The following NTN1 variants were observed in gnomAD, a reference collection of about 807,000 sequenced individuals.
NTN1 encodes the protein netrin 1.
NTN1 carries 11 observed loss-of-function variants against 54.2 expected under a neutral mutation model. The observed-to-expected ratio is 0.20, with a 90% CI of 0.13 to 0.34. The LOEUF is 0.34. Ranked by LOEUF, NTN1 falls within the 10% of genes least tolerant of loss-of-function variation. The pLI is 1.00. For missense variants in NTN1, 740 were observed against 893.1 expected (o/e 0.83, Z 2.18); for synonymous variants, 371 against 382.0 (o/e 0.97, Z 0.33).
At chr17:9,216,567 T>C (rs1211621202) in intron 5 of NTN1, among the ~76,000 whole-genome samples, 1 of 152,224 alleles carries the variant, frequency 6.6e-6, no homozygotes, top group African/African-American at 2.4e-5. Context: ...ATCCATGTAC[T>C]GGTGCAATGG....
chr17:9,070,159 G>A (rs1234297573), intron 2 of NTN1, among the ~76,000 whole-genome samples: 1 of 152,172 alleles, frequency 6.6e-6, no homozygotes, highest in Non-Finnish European at 1.5e-5. Flanking sequence ...TTGGGCAAAT[G>A]TCTTAGGTGC....
intron 5 of NTN1, among the ~76,000 whole-genome samples, chr17:9,193,902 CAA>C (rs1904537796): frequency 1.4e-5 from 1 of 69,958 alleles, no homozygotes; most frequent in Non-Finnish European, 2.7e-5. Context: ...GCCTGGGCGA[CAA>C]GAGTGAAACT....
chr17:9,013,149 G>T, the NTN1 span, among the ~76,000 whole-genome samples: 1 of 151,618 alleles, frequency 6.6e-6, no homozygotes, highest in Non-Finnish European at 1.5e-5. Flanking sequence ...GCCCAGGGAA[G>T]AATCTTCCTA....
Position 9,221,160 on chromosome 17 carries a change from C to T in NTN1, c.1412-8C>T, listed in dbSNP as rs749445333. On this transcript the variant is annotated splice_polypyrimidine_tract_variant and splice_region_variant and intron_variant, in intron 5 of 6. Coordinates refer to ENST00000173229, the MANE Select transcript of NTN1 (RefSeq NM_004822.3). The surrounding 1 kb of genome is among the most constrained non-coding windows in gnomAD (Gnocchi z 4.5). ...TTTTGTCTGTGCTCCCCCCCCACCC[C>T]CCTGCAGACTGCGATTCCTACTGCA... is the stretch of plus-strand genomic sequence containing the variant. 6 of 1,586,722 alleles carry T rather than the reference C, an allele frequency of 3.8e-6. No individual in the cohort carries two copies. In the East Asian group the frequency reaches 8.9e-5, roughly 24 times the overall value.
chr17:9,108,735 G>C (rs1946333095), intron 2 of NTN1, among the ~76,000 whole-genome samples: 1 of 152,108 alleles, frequency 6.6e-6, no homozygotes, highest in African/African-American at 2.4e-5. Context: ...GTGTCCCAAG[G>C]CTGGCTGGTG....
At chr17:9,051,703 G>A (rs2142199402) in intron 2 of NTN1, among the ~76,000 whole-genome samples, 1 of 152,022 alleles carries the variant, frequency 6.6e-6, no homozygotes, top group Admixed American at 6.6e-5. Flanking sequence ...GAACATTTAA[G>A]GTCTACTCCC....
chr17:9,227,308 A>G (rs932365066), intron 6 of NTN1, among the ~76,000 whole-genome samples: 1 of 145,650 alleles, frequency 6.9e-6, no homozygotes, highest in Non-Finnish European at 1.5e-5. Flanking sequence ...CACAATCACA[A>G]ACACACCACA....
At chr17:9,078,753 A>T (rs2092060016) in intron 2 of NTN1, among the ~76,000 whole-genome samples, 1 of 152,204 alleles carries the variant, frequency 6.6e-6, no homozygotes. Flanking sequence ...CCCAAGGAAA[A>T]CTTGATCTCT....
intron 2 of NTN1, among the ~76,000 whole-genome samples, chr17:9,064,506 C>T (rs772308207): frequency 1.3e-5 from 2 of 152,156 alleles, no homozygotes; most frequent in Non-Finnish European, 2.9e-5. Context: ...GAGGGTTGTT[C>T]CAAATCCCTC....
At chr17:9,092,220 C>G (rs72809992) in intron 2 of NTN1, among the ~76,000 whole-genome samples, 10,662 of 151,932 alleles carry the variant, frequency 0.07, 537 homozygotes, top group Middle Eastern at 0.14. Context: ...ATCATGTCAC[C>G]ATGGTTCACC....
chr17:9,225,066 G>T (rs1243422618), intron 6 of NTN1, among the ~76,000 whole-genome samples: 11 of 152,060 alleles, frequency 7.2e-5, no homozygotes, highest in African/African-American at 1.2e-4. Flanking sequence ...TTTGAAACCA[G>T]TCTGGCCAAC....
chr17:9,030,431 A>C (rs1403776502), intron 2 of NTN1, among the ~76,000 whole-genome samples: 1 of 152,234 alleles, frequency 6.6e-6, no homozygotes, highest in Non-Finnish European at 1.5e-5. Flanking sequence ...GCATTGGTGC[A>C]TGTGAAGAAG....
chr17:9,215,835 C>G (rs538996369), intron 5 of NTN1, among the ~76,000 whole-genome samples: 3 of 152,284 alleles, frequency 2.0e-5, no homozygotes, highest in Non-Finnish European at 4.4e-5. Context: ...CTTCAGTGAG[C>G]TCTTTCCTTC....
intron 2 of NTN1, among the ~76,000 whole-genome samples, chr17:9,148,386 C>T (rs1025453043): frequency 6.6e-6 from 1 of 152,250 alleles, no homozygotes; most frequent in Admixed American, 6.5e-5. Flanking sequence ...TTGAGGGGCC[C>T]TTTTAACCTC....
intron 5 of NTN1, among the ~76,000 whole-genome samples, chr17:9,194,748 T>A (rs1478919096): frequency 6.6e-6 from 1 of 152,098 alleles, no homozygotes; most frequent in Non-Finnish European, 1.5e-5. Context: ...AGAACTCTGG[T>A]CCAGGAAAGA....
intron 6 of NTN1, among the ~76,000 whole-genome samples, chr17:9,234,909 G>A (rs1223729002): frequency 2.0e-5 from 3 of 151,120 alleles, no homozygotes; most frequent in Non-Finnish European, 2.9e-5. Context: ...ACCTCTTCCT[G>A]TATACCAGCA....
Position 9,030,928 on chromosome 17 carries a change from C to T in NTN1, c.1018+7537C>T, listed in dbSNP as rs1225433359. Among the ~76,000 whole-genome samples, 6 of 152,190 alleles carry T rather than the reference C, an allele frequency of 3.9e-5. No individual in the cohort carries two copies. The South Asian group carries it at 1.2e-3, about 32-fold the overall frequency. On this transcript the variant is annotated intron_variant, in intron 2 of 6. Transcript: ENST00000173229. ...GAGGAAGGTGCTAGAAGTCTGTCTC[C>T]CTGGAGGATTCAGGAATTGGCCTGT...
At chr17:9,014,200 A>G in the NTN1 span, among the ~76,000 whole-genome samples, 1 of 152,206 alleles carries the variant, frequency 6.6e-6, no homozygotes, top group East Asian at 1.9e-4. Flanking sequence ...CAGGACAGTC[A>G]CATCTCCTGA....
intron 2 of NTN1, among the ~76,000 whole-genome samples, chr17:9,025,711 A>G (rs2091868152): frequency 6.6e-6 from 1 of 152,214 alleles, no homozygotes; most frequent in Non-Finnish European, 1.5e-5. Flanking sequence ...TTTTTCCATC[A>G]TTCTGTAAAA....
Sources: gnomAD v4.1 joint callset for allele counts (sites outside exome capture counted in the v4.1 genomes callset) on GRCh38, gnomAD v4.1.1 for gene constraint, Gnocchi (gnomAD v3.1) non-coding constraint, MANE v1.5 for transcripts, NCBI Gene and HGNC (gene_info 2026-07-23, HGNC 2026-07-21) for gene names.